GNB4: variants seen among roughly 807,000 people sequenced by gnomAD.
GNB4 encodes the protein G protein subunit beta 4, also known as guanine nucleotide-binding protein subunit beta-4.
GNB4 carries 28 observed loss-of-function variants against 45.2 expected under a neutral mutation model. That is an observed-to-expected ratio of 0.62 (90% CI 0.46 to 0.85). GNB4 has a LOEUF of 0.85. Ranked by LOEUF, GNB4 falls within the 40% of genes least tolerant of loss-of-function variation. The pLI is 0.00. For missense variants in GNB4, 321 were observed against 425.4 expected, an observed-to-expected ratio of 0.75 and a Z score of 2.16; for synonymous variants, 132 against 143.7, an observed-to-expected ratio of 0.92 and a Z score of 0.58.
the GNB4 span, among the ~76,000 whole-genome samples, chr3:179,482,642 G>A: frequency 6.6e-6 from 1 of 152,142 alleles, no homozygotes; most frequent in African/African-American, 2.4e-5. Context: ...CTGTTTTGAA[G>A]GGTAGAGCCA....
At chr3:179,518,416 C>T in the GNB4 span, among the ~76,000 whole-genome samples, 23 of 152,136 alleles carry the variant, frequency 1.5e-4, no homozygotes, top group Non-Finnish European at 3.1e-4. Context: ...CTTTCCCTCC[C>T]GCCTGTCCCC....
At chr3:179,512,228 G>T in the GNB4 span, among the ~76,000 whole-genome samples, 1 of 152,132 alleles carries the variant, frequency 6.6e-6, no homozygotes, top group African/African-American at 2.4e-5. Flanking sequence ...TGTACAGGTT[G>T]GCATATCCCC....
the GNB4 span, among the ~76,000 whole-genome samples, chr3:179,520,640 G>A: frequency 0.35 from 53,754 of 151,720 alleles, 10,205 homozygotes; most frequent in East Asian, 0.67. Flanking sequence ...TCTGCTCCCC[G>A]GCTCCTTCAG....
At chr3:179,419,227 TTAAAG>T (rs1401421683) in intron 4 of GNB4, among the ~76,000 whole-genome samples, 167 bp downstream of exon 4, 1 of 152,246 alleles carries the variant, frequency 6.6e-6, no homozygotes, top group Non-Finnish European at 1.5e-5. Context: ...GTTTATACTT[TTAAAG>T]AGTCAATTAA....
the GNB4 span, among the ~76,000 whole-genome samples, chr3:179,521,715 C>T: frequency 6.6e-6 from 1 of 152,182 alleles, no homozygotes; most frequent in Non-Finnish European, 1.5e-5. Flanking sequence ...CTATGCTGAA[C>T]CTACTTAGGC....
chr3:179,502,228 CTTTTT>C, the GNB4 span, among the ~76,000 whole-genome samples: 1 of 73,464 alleles, frequency 1.4e-5, no homozygotes, highest in South Asian at 5.8e-4. Flanking sequence ...TTTTTCTTTT[CTTTTT>C]TTTTTTTTTT....
At chr3:179,485,331 A>G in the GNB4 span, among the ~76,000 whole-genome samples, 2 of 152,102 alleles carry the variant, frequency 1.3e-5, no homozygotes, top group African/African-American at 2.4e-5. Context: ...TTTATAGAAC[A>G]TAACTACTAT....
rs904473910 is a variant in GNB4 at position 179,398,376 on chromosome 3, A to C, written c.*2837T>G. 6.6e-6 allele frequency: 1 copy of C among 151,940 alleles called. No homozygotes were observed. The highest frequency in any genetic ancestry group is 1.5e-5 in the Non-Finnish European group (1 of 68,016). The allele number at this position is 151,940 out of a possible 1,614,324, so 9.4% of individuals were successfully genotyped here. On this transcript the variant is annotated 3_prime_UTR_variant, in exon 10 of 10. Transcript: ENST00000232564. ...CTAAAAATACAAAAATTAGCCGGGC[A>C]TGGTGGCACATGCCTATAGTCCCAG... is the stretch of plus-strand genomic sequence containing the variant.
intron 1 of GNB4, among the ~76,000 whole-genome samples, chr3:179,444,428 T>TG (rs1715669506): frequency 6.6e-6 from 1 of 151,214 alleles, no homozygotes; most frequent in Admixed American, 6.6e-5. Context: ...AGGGTGTTTT[T>TG]TTTTTTTTTT....
At chr3:179,436,197 G>A (rs373741575) in intron 1 of GNB4, among the ~76,000 whole-genome samples, 1 of 152,106 alleles carries the variant, frequency 6.6e-6, no homozygotes, top group Non-Finnish European at 1.5e-5. Flanking sequence ...CAGGGAGTTC[G>A]AGACCAGCCT....
intron 4 of GNB4, among the ~76,000 whole-genome samples, chr3:179,417,180 T>C: frequency 6.6e-6 from 1 of 152,112 alleles, no homozygotes; most frequent in African/African-American, 2.4e-5. Context: ...GAGCTAAAGA[T>C]ACAGAAAAGG....
chr3:179,461,977 T>C, the GNB4 span, among the ~76,000 whole-genome samples: 1 of 152,258 alleles, frequency 6.6e-6, no homozygotes, highest in Non-Finnish European at 1.5e-5. Context: ...AGTTACTTGT[T>C]GGCTAAGCAC....
At chr3:179,504,011 C>G in the GNB4 span, among the ~76,000 whole-genome samples, 3 of 152,132 alleles carry the variant, frequency 2.0e-5, no homozygotes, top group Admixed American at 6.5e-5. Context: ...TCGTTCCAAG[C>G]AGACTTTTTC....
intron 2 of GNB4, among the ~76,000 whole-genome samples, chr3:179,424,730 G>A (rs978466723): frequency 2.6e-5 from 4 of 151,914 alleles, no homozygotes; most frequent in South Asian, 4.2e-4. Flanking sequence ...TCAGCCTCCC[G>A]AGTAGCTGGG....
At chr3:179,405,166 C>T (rs1049682932) in intron 9 of GNB4, 24 bp downstream of exon 9, 1 of 1,574,628 alleles carries the variant, frequency 6.4e-7, no homozygotes, top group African/African-American at 1.4e-5. Context: ...AAAATCAGAA[C>T]CTAATGTGGA....
Position 179,420,928 on chromosome 3 carries a change from C to CT in GNB4, c.58-2dup, listed in dbSNP as rs759886164. On this transcript the variant is annotated splice_acceptor_variant, in intron 2 of 9. Transcript: ENST00000232564. LOFTEE classifies it high-confidence loss of function. Reference sequence around the variant, plus strand: ...CATCATTACATGCTTTCCGAGCATCCTGAAGTAAAAAAATATGATTATAAT... The same window carrying CT: ...CATCATTACATGCTTTCCGAGCATCCTTGAAGTAAAAAAATATGATTATAAT... The CT allele has an allele frequency of 6.4e-7, 1 of 1,573,168 alleles. No individual in the cohort carries two copies. The highest frequency in any genetic ancestry group is 2.3e-5 in the East Asian group (1 of 44,144).
At chr3:179,511,900 T>TGTAGAAAGGCTAC in the GNB4 span, among the ~76,000 whole-genome samples, 4 of 152,228 alleles carry the variant, frequency 2.6e-5, no homozygotes, top group African/African-American at 9.6e-5. Context: ...CACTGTCCAA[T>TGTAGAAAGGCTAC]ATGGTAGCCC....
chr3:179,477,997 G>C, the GNB4 span, among the ~76,000 whole-genome samples: 1 of 152,070 alleles, frequency 6.6e-6, no homozygotes, highest in Non-Finnish European at 1.5e-5. Context: ...AATTTATAAA[G>C]GAAAGAAATA....
the GNB4 span, among the ~76,000 whole-genome samples, chr3:179,484,702 T>C: frequency 6.6e-6 from 1 of 152,196 alleles, no homozygotes; most frequent in Non-Finnish European, 1.5e-5. Flanking sequence ...GCAGGAAATC[T>C]GTGATGTGCA....
Sources: allele counts gnomAD v4.1 joint callset (sites outside exome capture counted in the v4.1 genomes callset), GRCh38; gene constraint gnomAD v4.1.1; transcripts MANE v1.5; gene names NCBI Gene and HGNC (gene_info 2026-07-23, HGNC 2026-07-21).